Variants in CWC15 observed in about 807,000 individuals in gnomAD.
CWC15 encodes the protein spliceosome-associated protein CWC15 homolog.
In CWC15, 12 loss-of-function variants were observed where a neutral mutation model predicts 28.4. The ratio of observed to expected loss-of-function variants is 0.42; its 90% CI spans 0.27 to 0.69. The LOEUF (loss-of-function observed/expected upper bound fraction) is 0.69, where lower values mean the gene tolerates loss of function less well. Among genes scored for constraint, CWC15 ranks in the 30% least tolerant of loss-of-function variants. The probability of loss-of-function intolerance (pLI) is 0.23; values close to 1 mark genes in which losing one functional copy is unlikely to be tolerated. For synonymous variants in CWC15, 92 were observed against 88.4 expected (o/e 1.04, Z -0.23); for missense variants, 192 against 271.5 (o/e 0.71, Z 2.06).
intron 5 of CWC15, among the ~76,000 whole-genome samples, chr11:94,969,599 A>G (rs887915554): frequency 6.6e-6 from 1 of 152,198 alleles, no homozygotes; most frequent in Non-Finnish European, 1.5e-5. Context: ...AGGTTATATA[A>G]TATCTACTGA....
At chr11:94,973,047 T>TTTG (rs1555096458) in intron 1 of CWC15, among the ~76,000 whole-genome samples, 1 of 103,238 alleles carries the variant, frequency 9.7e-6, no homozygotes, top group Non-Finnish European at 1.9e-5. Context: ...GAGGATTTTT[T>TTTG]GGGGGGGGGG....
intron 4 of CWC15, chr11:94,970,353 C>A: frequency 3.2e-6 from 1 of 309,082 alleles, no homozygotes; most frequent in Non-Finnish European, 5.9e-6. Context: ...GTAACTCCAT[C>A]AATTAACTCT....
chr11:94,969,284 GTTT>G (rs1246829433), intron 5 of CWC15, among the ~76,000 whole-genome samples: 3 of 152,022 alleles, frequency 2.0e-5, no homozygotes, highest in Non-Finnish European at 4.4e-5. Flanking sequence ...TCCTAACTCA[GTTT>G]TTTTCCAATC....
intron 1 of CWC15, among the ~76,000 whole-genome samples, chr11:94,972,688 C>A (rs1857740074): frequency 1.3e-5 from 2 of 152,036 alleles, no homozygotes; most frequent in Non-Finnish European, 2.9e-5. Context: ...AAGCTAAAAA[C>A]AAACAAAAAA....
chr11:94,970,934 G>A (rs1387493249), intron 4 of CWC15, 43 bp downstream of exon 4: 5 of 1,434,552 alleles, frequency 3.5e-6, no homozygotes, highest in Admixed American at 3.4e-5. Flanking sequence ...AGAATAGCAT[G>A]GTAAATCAAT....
rs757555727 is a variant in CWC15, at chr11:94,963,359, T to C, written c.*26A>G. On this transcript the variant is annotated 3_prime_UTR_variant, in exon 7 of 7. Coordinates refer to ENST00000279839, the MANE Select transcript of CWC15 (RefSeq NM_016403.4). Reference sequence around the variant, plus strand: ...CAGAATGATCCTTTACGTTTTACAGTCTTTAATTAAGCACATAAAACTGTA... The same window carrying C: ...CAGAATGATCCTTTACGTTTTACAGCCTTTAATTAAGCACATAAAACTGTA... The C allele has an allele frequency of 6.6e-7, 1 of 1,525,646 alleles. No individual in the cohort carries two copies. 94.5% of individuals were successfully genotyped at this position (1,525,646 alleles called of 1,614,324 possible). A position where few individuals can be genotyped will look rare whatever the true frequency, so the allele number is the denominator to read the frequency against.
At chr11:94,971,925 C>T in intron 2 of CWC15, 130 bp downstream of exon 2, 1 of 855,824 alleles carries the variant, frequency 1.2e-6, no homozygotes, top group Non-Finnish European at 1.8e-6. Flanking sequence ...TAGTGTTAAA[C>T]ATCCTATTGC....
intron 6 of CWC15, among the ~76,000 whole-genome samples, chr11:94,965,663 A>G (rs1419439059): frequency 6.6e-6 from 1 of 152,164 alleles, no homozygotes; most frequent in Non-Finnish European, 1.5e-5. Context: ...AGCTGCGTAC[A>G]TGACTAGCCA....
At chr11:94,971,635 G>GA in intron 2 of CWC15, 148 bp from the exon 3 acceptor site, 1 of 588,594 alleles carries the variant, frequency 1.7e-6, no homozygotes, top group Non-Finnish European at 3.0e-6. Context: ...AATTTAATCT[G>GA]AAGGTTACTA....
intron 3 of CWC15, 61 bp from the exon 4 acceptor site, chr11:94,971,126 T>C: frequency 6.9e-7 from 1 of 1,457,864 alleles, no homozygotes; most frequent in Non-Finnish European, 9.6e-7. Flanking sequence ...TTAAAATGTT[T>C]TAGGGACCTG....
intron 6 of CWC15, among the ~76,000 whole-genome samples, chr11:94,964,272 T>TATA (rs10633355): frequency 0.96 from 146,325 of 152,208 alleles, 70,570 homozygotes; most frequent in East Asian, 1. Flanking sequence ...CACAAGCCCA[T>TATA]ATGTGTGTGT....
rs187840434 is a variant in CWC15, at chr11:94,968,801, T to G, written c.441+1188A>C. Among the ~76,000 whole-genome samples, 20 of 152,336 alleles carry G rather than the reference T, an allele frequency of 1.3e-4. No homozygotes were observed. In the East Asian group the frequency reaches 3.7e-3, roughly 28 times the overall value. On this transcript the variant is annotated intron_variant, in intron 5 of 6. Transcript: ENST00000279839. Reference sequence around the variant, plus strand: ...CCTCCTGATTCACATGAAGTCTACTTCCCTAGATTCCTGGTATTGACCATG... The same window carrying G: ...CCTCCTGATTCACATGAAGTCTACTGCCCTAGATTCCTGGTATTGACCATG...
chr11:94,966,220 C>T (rs1857637901), intron 6 of CWC15, 75 bp downstream of exon 6: 1 of 761,980 alleles, frequency 1.3e-6, no homozygotes, highest in Non-Finnish European at 2.1e-6. Context: ...TATACACATA[C>T]ACATATACAC....
chr11:94,962,857 C>A lies in CWC15; in HGVS notation c.*528G>T, dbSNP rs139880226. The A allele has an allele frequency of 6.6e-6, 1 of 152,210 alleles. No individual in the cohort carries two copies. The highest frequency in any genetic ancestry group is 2.4e-5 in the African/African-American group (1 of 41,424). The allele number at this position is 152,210 out of a possible 1,614,324, so 9.4% of individuals were successfully genotyped here. ...GATACCCAATGCTCTCCCAGACACACGCCTGGGGTGCTTACTGTCAATGAC... is the reference window on the plus strand; with the variant it reads ...GATACCCAATGCTCTCCCAGACACAAGCCTGGGGTGCTTACTGTCAATGAC... On this transcript the variant is annotated 3_prime_UTR_variant, in exon 7 of 7. Coordinates refer to ENST00000279839, the MANE Select transcript of CWC15 (RefSeq NM_016403.4).
rs1555096240 is a variant in CWC15 at position 94,971,500 on chromosome 11, C to T, written c.132-13G>A. ...CTGAGTAGTCTGTCTAAAGTAGAAA[C>T]AAACCAGGGCAAAAATGTTACTTAA... On this transcript the variant is annotated splice_polypyrimidine_tract_variant and intron_variant, in intron 2 of 6. Coordinates refer to ENST00000279839, the MANE Select transcript of CWC15 (RefSeq NM_016403.4). The T allele has an allele frequency of 6.6e-7, 1 of 1,518,780 alleles. No individual in the cohort carries two copies. The highest frequency in any genetic ancestry group is 1.2e-5 in the South Asian group (1 of 85,854). The allele number at this position is 1,518,780 out of a possible 1,614,324, so 94.1% of individuals were successfully genotyped here. A position where few individuals can be genotyped will look rare whatever the true frequency, so the allele number is the denominator to read the frequency against.
intron 4 of CWC15, 23 bp downstream of exon 4, chr11:94,970,954 T>C (rs782686551): frequency 2.6e-6 from 4 of 1,553,344 alleles, no homozygotes; most frequent in South Asian, 2.2e-5. Context: ...TTATTAGAGA[T>C]GAAAGGAGGA....
intron 6 of CWC15, among the ~76,000 whole-genome samples, chr11:94,966,006 A>G (rs587758180): frequency 6.6e-6 from 1 of 151,878 alleles, no homozygotes; most frequent in East Asian, 1.9e-4. Flanking sequence ...TCAGTTTATT[A>G]CTCTGTCCCT....
chr11:94,966,309 G>A lies in CWC15; in HGVS notation c.546C>T (p.Phe182=). The A allele has an allele frequency of 6.5e-7, 1 of 1,547,342 alleles. No individual in the cohort carries two copies. The highest frequency in any genetic ancestry group is 2.4e-5 in the East Asian group (1 of 41,448). The change falls in exon 6 of 7, where the codon TTC becomes TTT. Residue 182 remains phenylalanine (F), a synonymous_variant. Coordinates refer to ENST00000279839, the MANE Select transcript of CWC15 (RefSeq NM_016403.4). The part of the protein sequence containing the change: ...LTGPSQPQAN[F]KVKRRWDDDV... ...CTGTATAGTACCTTCTTTTAACTTT[G>A]AAGTTGGCCTGAGGCTGGGATGGGC...
Position 94,972,042 on chromosome 11 carries a change from A to G in CWC15, c.131+13T>C. On this transcript the variant is annotated intron_variant, in intron 2 of 6. Transcript: ENST00000279839. Reference sequence around the variant, plus strand: ...CTTGTTTTGTGAACAATAAAAAAAGAAAGTCTTACTACCTGTATTTTATCT... The same window carrying G: ...CTTGTTTTGTGAACAATAAAAAAAGGAAGTCTTACTACCTGTATTTTATCT... 1.9e-6 allele frequency: 3 copies of G among 1,605,314 alleles called. No individual in the cohort carries two copies. Among genetic ancestry groups the G allele is most frequent in the Non-Finnish European group, 2.5e-6 (3 of 1,176,570 alleles).
Sources: allele counts gnomAD v4.1 joint callset (sites outside exome capture counted in the v4.1 genomes callset), GRCh38; gene constraint gnomAD v4.1.1; transcripts MANE v1.5; gene names NCBI Gene and HGNC (gene_info 2026-07-23, HGNC 2026-07-21).